The following UBE2G2 variants were observed in gnomAD, a reference collection of about 807,000 sequenced individuals.
UBE2G2 encodes ubiquitin conjugating enzyme E2 G2, also known as ubiquitin-conjugating enzyme E2 G2.
UBE2G2 carries 10 observed loss-of-function variants against 23.0 expected under a neutral mutation model. The observed-to-expected ratio is 0.43, with a 90% CI of 0.27 to 0.74. UBE2G2 has a LOEUF of 0.74. Among genes scored for constraint, UBE2G2 ranks in the 30% least tolerant of loss-of-function variants. UBE2G2 has a pLI of 0.19. For synonymous variants in UBE2G2, 86 were observed against 81.3 expected, an observed-to-expected ratio of 1.06 and a Z score of -0.31; for missense variants, 150 against 218.3, an observed-to-expected ratio of 0.69 and a Z score of 1.97.
chr21:44,798,024 G>A (rs544069451), intron 1 of UBE2G2, among the ~76,000 whole-genome samples: 5 of 151,686 alleles, frequency 3.3e-5, no homozygotes, highest in African/African-American at 1.2e-4. Context: ...CAGGTGTAGG[G>A]GCACATGCCT....
In UBE2G2 at chr21:44,792,231, G is replaced by A. The variant is rs190548602; in HGVS notation, c.44-4136C>T. Among the ~76,000 whole-genome samples the A allele has an allele frequency of 3.1e-3, 477 of 152,288 alleles. 1 individual carries two copies. Among genetic ancestry groups the A allele is most frequent in the Non-Finnish European group, 5.4e-3 (364 of 68,026 alleles). On this transcript the variant is annotated intron_variant, in intron 1 of 5. Coordinates refer to ENST00000345496, the MANE Select transcript of UBE2G2 (RefSeq NM_003343.6). ...TGACGAAATGAGTTAAGACTTTGGGGGCCTTGCTGGGAAGGCATGATTTGT... is the reference window on the plus strand; with the variant it reads ...TGACGAAATGAGTTAAGACTTTGGGAGCCTTGCTGGGAAGGCATGATTTGT...
At position 44,801,762 on chromosome 21, in the gene UBE2G2, C is replaced by A. The variant is rs1353857558; in HGVS notation, c.-14G>T. ...GGTCCCCGCCATGGCCCCGCAACAGCTGCGCCGAGCGACCTCGCCTCAGCC... is the reference window on the plus strand; with the variant it reads ...GGTCCCCGCCATGGCCCCGCAACAGATGCGCCGAGCGACCTCGCCTCAGCC... On this transcript the variant is annotated 5_prime_UTR_variant, in exon 1 of 6. Transcript: ENST00000345496. 7.3e-6 allele frequency: 11 copies of A among 1,515,840 alleles called. No individual in the cohort carries two copies. The highest frequency in any genetic ancestry group is 8.8e-7 in the Non-Finnish European group (1 of 1,134,392). The allele number at this position is 1,515,840 out of a possible 1,614,324, so 93.9% of individuals were successfully genotyped here.
intron 4 of UBE2G2, 22 bp from the exon 5 acceptor site, chr21:44,773,709 A>G: frequency 6.2e-7 from 1 of 1,608,344 alleles, no homozygotes; most frequent in South Asian, 1.1e-5. Context: ...AGAGGCAGCC[A>G]AGTGAGCCCA....
intron 1 of UBE2G2, among the ~76,000 whole-genome samples, chr21:44,795,248 G>C (rs1555963526): frequency 6.6e-6 from 1 of 151,982 alleles, no homozygotes; most frequent in Admixed American, 6.6e-5. Flanking sequence ...GGATGACAGA[G>C]AGAGCACCTC....
At chr21:44,781,370 C>A (rs2082954826) in intron 3 of UBE2G2, among the ~76,000 whole-genome samples, 1 of 152,188 alleles carries the variant, frequency 6.6e-6, no homozygotes, top group African/African-American at 2.4e-5. Context: ...TTCCTTCAGT[C>A]CCTGCTCTGC....
chr21:44,799,653 A>G (rs1042389444), intron 1 of UBE2G2, among the ~76,000 whole-genome samples: 1 of 152,214 alleles, frequency 6.6e-6, no homozygotes, highest in South Asian at 2.1e-4. Flanking sequence ...TTGATCTTCT[A>G]TCCAAACCAC....
intron 1 of UBE2G2, chr21:44,801,083 C>T: frequency 6.5e-6 from 1 of 154,298 alleles, no homozygotes; most frequent in Non-Finnish European, 1.4e-5. Flanking sequence ...TTCTTCCAAG[C>T]GGGCATTCGG....
At chr21:44,773,858 G>T in intron 4 of UBE2G2, 171 bp from the exon 5 acceptor site, 1 of 890,768 alleles carries the variant, frequency 1.1e-6, no homozygotes, top group African/African-American at 1.7e-5. Context: ...ATGTCTGCAG[G>T]AATCCCGGTG....
At position 44,788,287 on chromosome 21, in the gene UBE2G2, G is replaced by GTTTTTTTTT. The variant is rs71326069; in HGVS notation, c.44-201_44-193dup. ...GATAACAACTACACAAAGTTTTTTT[G>GTTTTTTTTT]TTTTTTTTTTGTTTTTTTTTGAGAC... On this transcript the variant is annotated intron_variant, in intron 1 of 5. Transcript: ENST00000345496. 1.2e-3 allele frequency among the ~76,000 whole-genome samples: 163 copies of GTTTTTTTTT among 135,592 alleles called. 3 individuals are homozygous for GTTTTTTTTT. The highest frequency in any genetic ancestry group is 8.7e-3 in the Middle Eastern group (2 of 230). The allele number at this position is 135,592 out of a possible 152,430, so 89.0% of individuals were successfully genotyped here.
intron 4 of UBE2G2, 152 bp from the exon 5 acceptor site, chr21:44,773,839 T>G (rs1206295475): frequency 2.8e-6 from 3 of 1,060,854 alleles, no homozygotes; most frequent in Non-Finnish European, 3.9e-6. Flanking sequence ...GCCCTGAGTG[T>G]CACGCTTCAT....
intron 3 of UBE2G2, among the ~76,000 whole-genome samples, chr21:44,780,151 G>A (rs1336053166): frequency 1.3e-5 from 2 of 152,176 alleles, no homozygotes; most frequent in Non-Finnish European, 2.9e-5. Context: ...ATTTCCTGAA[G>A]TGCGCCCACA....
intron 1 of UBE2G2, among the ~76,000 whole-genome samples, chr21:44,790,617 CTCT>C (rs1555962821): frequency 6.6e-6 from 1 of 152,226 alleles, no homozygotes; most frequent in East Asian, 1.9e-4. Flanking sequence ...TCCTCCTTCA[CTCT>C]TCTTTCTTGC....
At chr21:44,774,042 C>T (rs782551510) in intron 4 of UBE2G2, 20 of 176,942 alleles carry the variant, frequency 1.1e-4, no homozygotes, top group Admixed American at 6.1e-5. Context: ...GGATTATTTA[C>T]AATACTTTTC....
At chr21:44,786,747 C>T (rs1601189093) in intron 3 of UBE2G2, among the ~76,000 whole-genome samples, 1 of 152,178 alleles carries the variant, frequency 6.6e-6, no homozygotes, top group African/African-American at 2.4e-5. Context: ...CTCAATGCAA[C>T]AAAATCCAAC....
intron 1 of UBE2G2, among the ~76,000 whole-genome samples, chr21:44,799,280 C>T (rs1448387961): frequency 6.6e-6 from 1 of 152,188 alleles, no homozygotes; most frequent in Non-Finnish European, 1.5e-5. Context: ...GACATTAGCC[C>T]CTAACAAGAG....
rs146821279 is a variant in UBE2G2, at chr21:44,771,660, G to A, written c.386-171C>T. Reference sequence around the variant, plus strand: ...GCCCCACCTCTAGAGTGCTGGCCACGCAGGTCTCAACGAAAGCCACTCTCA... The same window carrying A: ...GCCCCACCTCTAGAGTGCTGGCCACACAGGTCTCAACGAAAGCCACTCTCA... On this transcript the variant is annotated intron_variant, in intron 5 of 5. Coordinates refer to ENST00000345496, the MANE Select transcript of UBE2G2 (RefSeq NM_003343.6). The surrounding 1 kb of genome is among the most constrained non-coding windows in gnomAD (Gnocchi z 4.6). 7.3e-4 allele frequency among the ~76,000 whole-genome samples: 111 copies of A among 152,256 alleles called. No individual in the cohort carries two copies. The East Asian group carries it at 0.011, about 15-fold the overall frequency.
At chr21:44,781,390 A>T (rs144828772) in intron 3 of UBE2G2, among the ~76,000 whole-genome samples, 26 of 152,284 alleles carry the variant, frequency 1.7e-4, no homozygotes, top group African/African-American at 5.8e-4. Context: ...CAGTTCAGCA[A>T]AAGCTTCTTG....
chr21:44,784,140 A>C (rs1056753432), intron 3 of UBE2G2, among the ~76,000 whole-genome samples: 2 of 144,274 alleles, frequency 1.4e-5, no homozygotes, highest in African/African-American at 2.5e-5. Flanking sequence ...TGGGTGACAG[A>C]GCTAGACCAT....
Position 44,771,534 on chromosome 21 carries a change from C to T in UBE2G2, c.386-45G>A, listed in dbSNP as rs782184438. 2.8e-5 allele frequency: 44 copies of T among 1,579,234 alleles called. No individual in the cohort carries two copies. The highest frequency in any genetic ancestry group is 3.3e-5 in the Non-Finnish European group (38 of 1,158,332). On this transcript the variant is annotated intron_variant, in intron 5 of 5. Coordinates refer to ENST00000345496, the MANE Select transcript of UBE2G2 (RefSeq NM_003343.6). This position sits in a 1 kb window ranked among gnomAD's most constrained non-coding sequence, Gnocchi z 4.6. Reference sequence around the variant, plus strand: ...CCTCCATGTAAAAGGGAGTCTTATACGTAAGCAGCCTGGCAAGGTCTCCCA... The same window carrying T: ...CCTCCATGTAAAAGGGAGTCTTATATGTAAGCAGCCTGGCAAGGTCTCCCA...
Sources: allele counts gnomAD v4.1 joint callset (sites outside exome capture counted in the v4.1 genomes callset), GRCh38; gene constraint gnomAD v4.1.1; non-coding constraint Gnocchi (gnomAD v3.1); transcripts MANE v1.5; gene names NCBI Gene and HGNC (gene_info 2026-07-23, HGNC 2026-07-21).